The following CLIP3 variants were observed in gnomAD, a reference collection of about 807,000 sequenced individuals.
CLIP3 encodes the protein CAP-Gly domain-containing linker protein 3.
In CLIP3, 15 loss-of-function variants were observed where a neutral mutation model predicts 59.4. The ratio of observed to expected loss-of-function variants is 0.25; its 90% CI spans 0.17 to 0.39. CLIP3 has a LOEUF of 0.39. Among genes scored for constraint, CLIP3 ranks in the 10% least tolerant of loss-of-function variants. The pLI is 1.00. For synonymous variants in CLIP3, 300 were observed against 321.6 expected, an observed-to-expected ratio of 0.93 and a Z score of 0.72; for missense variants, 495 against 765.7, an observed-to-expected ratio of 0.65 and a Z score of 4.17.
intron 2 of CLIP3, among the ~76,000 whole-genome samples, chr19:36,031,433 G>C (rs1198800567): frequency 3.3e-5 from 5 of 152,144 alleles, no homozygotes; most frequent in Admixed American, 1.3e-4. Context: ...ATCATGCCTG[G>C]ATCACTTAGG....
At position 36,016,103 on chromosome 19, in the gene CLIP3, G is replaced by A. The variant is rs375085266; in HGVS notation, c.*55C>T. 243 of 1,585,954 alleles carry A rather than the reference G, an allele frequency of 1.5e-4. 2 individuals carry two copies. In the South Asian group the frequency reaches 1.6e-3, roughly 11 times the overall value. On this transcript the variant is annotated 3_prime_UTR_variant, in exon 14 of 14. Coordinates refer to ENST00000360535, the MANE Select transcript of CLIP3 (RefSeq NM_015526.3). This position sits in a 1 kb window ranked among gnomAD's most constrained non-coding sequence, Gnocchi z 4.1. ...ATCTCAGGGTGACTCAGGGCTCCTC[G>A]GGTGTCAGGAGATGCTAGTGGGGAC...
chr19:36,021,920 C>T (rs1039142742), intron 7 of CLIP3, among the ~76,000 whole-genome samples: 5 of 151,858 alleles, frequency 3.3e-5, no homozygotes, highest in Non-Finnish European at 7.4e-5. Context: ...ACACTTTGGC[C>T]CAGGCTGGAG....
intron 6 of CLIP3, among the ~76,000 whole-genome samples, chr19:36,025,270 G>A (rs1969071280): frequency 6.6e-6 from 1 of 151,996 alleles, no homozygotes; most frequent in Non-Finnish European, 1.5e-5. Flanking sequence ...CCTGTAATGA[G>A]GACATGTGGG....
At chr19:36,031,025 T>TTTTTTTTTTTTTTTTTTC (rs1969251895) in intron 2 of CLIP3, among the ~76,000 whole-genome samples, 3 of 82,656 alleles carry the variant, frequency 3.6e-5, no homozygotes, top group African/African-American at 6.6e-5. Flanking sequence ...TTTTTTTTCT[T>TTTTTTTTTTTTTTTTTTC]TTTTTTTTTT....
rs971696025 is a variant in CLIP3 at position 36,026,071 on chromosome 19, C to T, written c.681+76G>A. 9 of 1,124,982 alleles carry T rather than the reference C, an allele frequency of 8.0e-6. No individual in the cohort carries two copies. Among genetic ancestry groups the T allele is most frequent in the Admixed American group, 3.7e-5 (2 of 53,458 alleles). 69.7% of individuals were successfully genotyped at this position (1,124,982 alleles called of 1,614,324 possible). A position where few individuals can be genotyped will look rare whatever the true frequency, so the allele number is the denominator to read the frequency against. ...GTAGTATTTGGGGAGTCACGGGAAA[C>T]GCAGAGACCTGCTGGAGGGAAGTGG... On this transcript the variant is annotated intron_variant, in intron 6 of 13. Transcript: ENST00000360535. This position sits in a 1 kb window ranked among gnomAD's most constrained non-coding sequence, Gnocchi z 6.3.
chr19:36,029,847 G>A (rs1052435445), intron 2 of CLIP3, among the ~76,000 whole-genome samples: 6 of 151,962 alleles, frequency 3.9e-5, no homozygotes, highest in Non-Finnish European at 8.8e-5. Flanking sequence ...CCTTCTCCCT[G>A]TCCTCGACCA....
rs1343027916 is a variant in CLIP3, at chr19:36,032,260, G to C, written c.98C>G (p.Pro33Arg). Residue 33 changes from proline to arginine, a missense_variant, in exon 2 of 14, where the codon CCC becomes CGC. By Grantham distance (103) the Pro-to-Arg change is moderately radical. Transcript: ENST00000360535. The surrounding 1 kb of genome is among the most constrained non-coding windows in gnomAD (Gnocchi z 4.3). ...AGGCTTCTGCCGGCGCTCCTGGGTG[G>C]GGCTGGGGGCCTCGGGGACGGGTTC... ...EDEPVPEAPS[P>R]TQERRQKPVV... The C allele has an allele frequency of 7.7e-7, 1 of 1,303,404 alleles. No individual in the cohort carries two copies. The highest frequency in any genetic ancestry group is 1.5e-5 in the African/African-American group (1 of 65,776). 80.7% of individuals were successfully genotyped at this position (1,303,404 alleles called of 1,614,324 possible). A position where few individuals can be genotyped will look rare whatever the true frequency, so the allele number is the denominator to read the frequency against.
intron 7 of CLIP3, among the ~76,000 whole-genome samples, chr19:36,019,887 G>A (rs866861695): frequency 1.3e-5 from 2 of 151,828 alleles, no homozygotes; most frequent in Admixed American, 6.6e-5. Context: ...ACAGGCATGA[G>A]CCACCATGCC....
Position 36,032,208 on chromosome 19 carries a change from G to T in CLIP3, c.150C>A (p.Pro50=). The change falls in exon 2 of 14, where the codon CCC becomes CCA. Residue 50 remains proline (P), a synonymous_variant. Transcript: ENST00000360535. This position sits in a 1 kb window ranked among gnomAD's most constrained non-coding sequence, Gnocchi z 4.3. ...KPVVHPSAPA[P]LPKDYAFTFF... ...AGTGGTTACCGTAGTCCTTAGGGAG[G>T]GGGGCAGGTGCCGAGGGGTGCACAA... is the stretch of plus-strand genomic sequence containing the variant. 7.7e-7 allele frequency: 1 copy of T among 1,293,546 alleles called. No individual in the cohort carries two copies. Among genetic ancestry groups the T allele is most frequent in the Non-Finnish European group, 9.9e-7 (1 of 1,010,768 alleles). 80.1% of individuals were successfully genotyped at this position (1,293,546 alleles called of 1,614,324 possible).
intron 6 of CLIP3, among the ~76,000 whole-genome samples, chr19:36,025,016 A>G (rs1407845407): frequency 6.6e-6 from 1 of 151,686 alleles, no homozygotes; most frequent in Non-Finnish European, 1.5e-5. Context: ...CAGTGAGCCA[A>G]GATCATGCTA....
chr19:36,026,953 G>A lies in CLIP3; in HGVS notation c.399C>T (p.Val133=), dbSNP rs1298825635. 3 of 1,538,994 alleles carry A rather than the reference G, an allele frequency of 1.9e-6. No homozygotes were observed. The highest frequency in any genetic ancestry group is 1.4e-5 in the African/African-American group (1 of 71,976). The change falls in exon 4 of 14, where the codon GTC becomes GTT. Residue 133 remains valine (V), a splice_region_variant and synonymous_variant. Transcript: ENST00000360535. The surrounding 1 kb of genome is among the most constrained non-coding windows in gnomAD (Gnocchi z 6.3). ...HYACKAGAHG[V]GDPAAAVRLS... is the part of the protein sequence containing the mutation. ...GACTTGGGGGTAGGGGGCCCTCACC[G>A]ACTCCGTGGGCCCCAGCTTTGCACG... is the stretch of plus-strand genomic sequence containing the variant.
chr19:36,022,710 C>A (rs553925371), intron 7 of CLIP3, among the ~76,000 whole-genome samples: 2 of 151,948 alleles, frequency 1.3e-5, no homozygotes, highest in East Asian at 3.9e-4. Context: ...CGCTTGAGGG[C>A]AGGAGTTTGA....
At chr19:36,021,068 G>C (rs984758208) in intron 7 of CLIP3, among the ~76,000 whole-genome samples, 3 of 152,006 alleles carry the variant, frequency 2.0e-5, no homozygotes, top group African/African-American at 7.2e-5. Flanking sequence ...AATAGAAATG[G>C]AGTATCCCTA....
At chr19:36,024,936 T>C (rs980286917) in intron 6 of CLIP3, among the ~76,000 whole-genome samples, 6 of 150,612 alleles carry the variant, frequency 4.0e-5, no homozygotes, top group South Asian at 2.1e-4. Context: ...TGTGGTGGCG[T>C]GTGCCTGTAA....
In CLIP3 at chr19:36,026,562, C is replaced by T; in HGVS notation, c.562+24G>A. 1 of 1,611,816 alleles carries T rather than the reference C, an allele frequency of 6.2e-7. No individual in the cohort carries two copies. The highest frequency in any genetic ancestry group is 1.1e-5 in the South Asian group (1 of 90,998). On this transcript the variant is annotated intron_variant, in intron 5 of 13. Transcript: ENST00000360535. The surrounding 1 kb of genome is among the most constrained non-coding windows in gnomAD (Gnocchi z 6.3). The stretch of plus-strand genomic sequence containing the variant: ...TCCCTCACCCAGGTCCTTGCCCCCT[C>T]CCAGCCAGGGCTCTCCTCCTCACCT...
Position 36,026,935 on chromosome 19 carries a change from G to A in CLIP3, c.400+17C>T. 1 of 1,530,180 alleles carries A rather than the reference G, an allele frequency of 6.5e-7. No homozygotes were observed. Among genetic ancestry groups the A allele is most frequent in the Non-Finnish European group, 8.8e-7 (1 of 1,141,544 alleles). The allele number at this position is 1,530,180 out of a possible 1,614,324, so 94.8% of individuals were successfully genotyped here. A position where few individuals can be genotyped will look rare whatever the true frequency, so the allele number is the denominator to read the frequency against. ...CTAGGCTTTGGGGCTTATGACTTGG[G>A]GGTAGGGGGCCCTCACCGACTCCGT... On this transcript the variant is annotated intron_variant, in intron 4 of 13. Transcript: ENST00000360535. This position sits in a 1 kb window ranked among gnomAD's most constrained non-coding sequence, Gnocchi z 6.3.
intron 2 of CLIP3, among the ~76,000 whole-genome samples, chr19:36,031,172 T>C (rs1969258458): frequency 6.6e-6 from 1 of 151,738 alleles, no homozygotes; most frequent in African/African-American, 2.4e-5. Flanking sequence ...TATGCCACTA[T>C]ACCCAGCCAA....
chr19:36,016,976 G>A lies in CLIP3; in HGVS notation c.1520C>T (p.Thr507Met), dbSNP rs141951187. 8.1e-6 allele frequency: 13 copies of A among 1,613,772 alleles called. No homozygotes were observed. Among genetic ancestry groups the A allele is most frequent in the Admixed American group, 3.3e-5 (2 of 59,966 alleles). Residue 507 changes from threonine to methionine, a missense_variant, in exon 13 of 14, where the codon ACG (threonine) becomes ATG (methionine). Thr to Met is a moderately conservative substitution (Grantham distance 81). Around this residue, in one of 5 missense-constraint regions of CLIP3, gnomAD observed 179 missense variants for 226.2 expected, o/e 0.79. Transcript: ENST00000360535. The surrounding 1 kb of genome is among the most constrained non-coding windows in gnomAD (Gnocchi z 4.1). ...GAKKVHQVTM[T>M]QPKRTFTTVR... Reference sequence around the variant, plus strand: ...TGTGGTGAAGGTGCGTTTGGGCTGCGTCACTGAAGAGGAGGGCAGGATGTC... The same window carrying A: ...TGTGGTGAAGGTGCGTTTGGGCTGCATCACTGAAGAGGAGGGCAGGATGTC...
At chr19:36,027,362 G>A (rs1969141865) in intron 2 of CLIP3, 91 bp from the exon 3 acceptor site, 1 of 1,388,006 alleles carries the variant, frequency 7.2e-7, no homozygotes, top group Non-Finnish European at 9.6e-7. Context: ...GCCTTTTAGA[G>A]CCTCTAATGC....
Sources: gnomAD v4.1 joint callset for allele counts (sites outside exome capture counted in the v4.1 genomes callset) on GRCh38, gnomAD v4.1.1 for gene constraint, gnomAD v4.1.1 regional missense constraint, Gnocchi (gnomAD v3.1) non-coding constraint, MANE v1.5 for transcripts, NCBI Gene and HGNC (gene_info 2026-07-23, HGNC 2026-07-21) for gene names.